The following GPR158 variants were observed in gnomAD, a reference collection of about 807,000 sequenced individuals.
GPR158 encodes the protein G protein-coupled receptor 158.
In GPR158, 30 loss-of-function variants were observed where a neutral mutation model predicts 78.2. That is an observed-to-expected ratio of 0.38 (90% CI 0.29 to 0.52). The LOEUF (loss-of-function observed/expected upper bound fraction) is 0.52, where lower values mean the gene tolerates loss of function less well. Ranked by LOEUF, GPR158 falls within the 20% of genes least tolerant of loss-of-function variation. The probability of loss-of-function intolerance (pLI) is 0.83; values close to 1 mark genes in which losing one functional copy is unlikely to be tolerated. For synonymous variants in GPR158, 581 were observed against 591.1 expected (o/e 0.98, Z 0.25); for missense variants, 1,463 against 1,523.5 (o/e 0.96, Z 0.66).
intron 2 of GPR158, among the ~76,000 whole-genome samples, chr10:25,243,186 A>G (rs751023521): frequency 3.9e-5 from 6 of 152,168 alleles, no homozygotes; most frequent in Non-Finnish European, 7.4e-5. Flanking sequence ...CATCATATCA[A>G]TCCCTTTTGC....
intron 4 of GPR158, among the ~76,000 whole-genome samples, chr10:25,443,118 T>C (rs1835090365): frequency 6.6e-6 from 1 of 151,914 alleles, no homozygotes; most frequent in East Asian, 1.9e-4. Flanking sequence ...AGGGTATTAC[T>C]AGGTTACAGA....
intron 5 of GPR158, among the ~76,000 whole-genome samples, chr10:25,520,909 G>T (rs112920694): frequency 6.6e-6 from 1 of 152,286 alleles, no homozygotes; most frequent in Non-Finnish European, 1.5e-5. Context: ...GGAGCTTCCC[G>T]GCTTCTTTGT....
chr10:25,598,015 G>A lies in GPR158; in HGVS notation c.2389G>A (p.Gly797Arg), dbSNP rs1301768716. The change falls in exon 11 of 11, where the codon GGG becomes AGG. Residue 797 changes from glycine (G) to arginine (R), a missense_variant. By Grantham distance (125) the Gly-to-Arg change is moderately radical (BLOSUM62 -2). Coordinates refer to ENST00000376351, the MANE Select transcript of GPR158 (RefSeq NM_020752.3). ...LIRKNPPESSGNTGKSKEETL... is the reference protein window; with the variant it reads ...LIRKNPPESSRNTGKSKEETL... Reference sequence around the variant, plus strand: ...CAGGAAGAACCCCCCAGAGTCTTCAGGGAACACAGGGAAATCCAAGGAGGA... The same window carrying A: ...CAGGAAGAACCCCCCAGAGTCTTCAAGGAACACAGGGAAATCCAAGGAGGA... 1 of 1,613,964 alleles carries A rather than the reference G, an allele frequency of 6.2e-7. No homozygotes were observed. The highest frequency in any genetic ancestry group is 1.3e-5 in the African/African-American group (1 of 74,916).
At chr10:25,596,867 CGTGT>C in intron 10 of GPR158, 78 bp downstream of exon 10, 1 of 1,240,608 alleles carries the variant, frequency 8.1e-7, no homozygotes, top group Non-Finnish European at 1.2e-6. Context: ...GGTTGGGGTG[CGTGT>C]GTGCATGCAT....
intron 2 of GPR158, among the ~76,000 whole-genome samples, chr10:25,276,680 T>C (rs1403073757): frequency 6.6e-6 from 1 of 152,170 alleles, no homozygotes; most frequent in Non-Finnish European, 1.5e-5. Context: ...TCACATTCTG[T>C]GCCTGAAAAA....
chr10:25,243,422 C>T (rs1853651062), intron 2 of GPR158, among the ~76,000 whole-genome samples: 1 of 152,304 alleles, frequency 6.6e-6, no homozygotes, highest in African/African-American at 2.4e-5. Flanking sequence ...CAAATCCCAT[C>T]ACAAGTGGAT....
intron 2 of GPR158, among the ~76,000 whole-genome samples, chr10:25,254,826 T>G (rs2130727066): frequency 6.6e-6 from 1 of 152,334 alleles, no homozygotes; most frequent in South Asian, 2.1e-4. Context: ...GCAAATTAAC[T>G]TTCTCACCTT....
chr10:25,487,488 C>G (rs1835750209), intron 5 of GPR158, among the ~76,000 whole-genome samples: 1 of 152,162 alleles, frequency 6.6e-6, no homozygotes, highest in Non-Finnish European at 1.5e-5. Flanking sequence ...GCTGTCCCAG[C>G]TAGGAATGTG....
chr10:25,386,557 TTTCAA>T (rs1450667057), intron 2 of GPR158, among the ~76,000 whole-genome samples: 1 of 151,404 alleles, frequency 6.6e-6, no homozygotes, highest in Non-Finnish European at 1.5e-5. Context: ...ATATTAAGTC[TTTCAA>T]TTCAGTGTTG....
intron 6 of GPR158, among the ~76,000 whole-genome samples, chr10:25,559,003 G>A (rs1195977407): frequency 6.6e-6 from 1 of 152,100 alleles, no homozygotes; most frequent in Admixed American, 6.5e-5. Context: ...TCAAATCTTC[G>A]ATATCCCTAC....
At position 25,597,724 on chromosome 10, in the gene GPR158, T is replaced by C. The variant is rs773792294; in HGVS notation, c.2146-48T>C. On this transcript the variant is annotated intron_variant, in intron 10 of 10. Transcript: ENST00000376351. ...ATACCATGTAGTGATCTTCTATGAC[T>C]GGAACACTAAATTCTACACTTCTTT... The C allele has an allele frequency of 9.1e-6, 13 of 1,433,180 alleles. No homozygotes were observed. The African/African-American group carries it at 1.6e-4, about 17-fold the overall frequency. The allele number at this position is 1,433,180 out of a possible 1,614,324, so 88.8% of individuals were successfully genotyped here.
At chr10:25,580,862 A>G (rs2130739777) in intron 7 of GPR158, among the ~76,000 whole-genome samples, 2 of 151,888 alleles carry the variant, frequency 1.3e-5, no homozygotes, top group East Asian at 3.9e-4. Context: ...AGTAGTTGTG[A>G]CTACAGGTGC....
At chr10:25,229,851 T>A (rs1174169931) in intron 2 of GPR158, among the ~76,000 whole-genome samples, 1 of 152,218 alleles carries the variant, frequency 6.6e-6, no homozygotes, top group Non-Finnish European at 1.5e-5. Flanking sequence ...TGCTTTGGCA[T>A]TTCATAAAGT....
intron 4 of GPR158, among the ~76,000 whole-genome samples, chr10:25,445,963 A>G (rs183187662): frequency 2.9e-4 from 44 of 152,332 alleles, no homozygotes; most frequent in Non-Finnish European, 1.0e-4. Flanking sequence ...ACTGGAACTC[A>G]GAAGAGAGAT....
intron 2 of GPR158, among the ~76,000 whole-genome samples, chr10:25,333,774 T>C (rs1175913187): frequency 1.3e-5 from 2 of 152,148 alleles, no homozygotes; most frequent in African/African-American, 4.8e-5. Context: ...GACATAGTGG[T>C]TCTTTTTCCT....
intron 2 of GPR158, among the ~76,000 whole-genome samples, chr10:25,358,086 A>G (rs774244521): frequency 2.0e-5 from 3 of 152,060 alleles, no homozygotes; most frequent in Non-Finnish European, 2.9e-5. Flanking sequence ...TGCATTTCAG[A>G]CTGGCATGGG....
intron 4 of GPR158, among the ~76,000 whole-genome samples, chr10:25,450,008 A>AG: frequency 6.6e-6 from 1 of 151,442 alleles, no homozygotes; most frequent in South Asian, 2.1e-4. Flanking sequence ...TGATCAGAAA[A>AG]AAAAAACCTC....
At chr10:25,319,469 T>A (rs1854914228) in intron 2 of GPR158, among the ~76,000 whole-genome samples, 1 of 152,274 alleles carries the variant, frequency 6.6e-6, no homozygotes, top group East Asian at 1.9e-4. Context: ...GTACTAAAAG[T>A]AAAGTTGCAG....
chr10:25,269,872 C>T (rs567894710), intron 2 of GPR158, among the ~76,000 whole-genome samples: 80 of 152,240 alleles, frequency 5.3e-4, no homozygotes, highest in African/African-American at 1.8e-3. Context: ...CATGGTACCA[C>T]GCAGTTTGTT....
Sources: gnomAD v4.1 joint callset for allele counts (sites outside exome capture counted in the v4.1 genomes callset) on GRCh38, gnomAD v4.1.1 for gene constraint, MANE v1.5 for transcripts, NCBI Gene and HGNC (gene_info 2026-07-23, HGNC 2026-07-21) for gene names.